The following TRMT44 variants were observed in gnomAD, a reference collection of about 807,000 sequenced individuals.
The protein encoded by TRMT44 is tRNA methyltransferase 44 homolog.
Under a neutral mutation model 77.3 loss-of-function variants are expected in TRMT44, and 78 were observed. That is an observed-to-expected ratio of 1.01 (90% CI 0.84 to 1.22). The LOEUF is 1.22. TRMT44 is among the 50% of genes most tolerant of loss of function. The pLI, the probability that TRMT44 is intolerant of heterozygous loss-of-function variation, is 0.00. For missense variants in TRMT44, 1,090 were observed against 964.4 expected (o/e 1.13, Z -1.73); for synonymous variants, 391 against 383.3 (o/e 1.02, Z -0.23).
chr4:8,470,832 GC>G (rs1726940091), intron 9 of TRMT44: 1 of 363,940 alleles, frequency 2.7e-6, no homozygotes, highest in Admixed American at 3.6e-5. Context: ...CTGACGCCTG[GC>G]CCTGTGCGGG....
chr4:8,516,842 T>C, the TRMT44 span, among the ~76,000 whole-genome samples: 1 of 152,310 alleles, frequency 6.6e-6, no homozygotes, highest in South Asian at 2.1e-4. Flanking sequence ...CAGAGAGGGT[T>C]GTTAGAGTTT....
At chr4:8,466,971 C>T (rs1425619339) in intron 8 of TRMT44, among the ~76,000 whole-genome samples, 1 of 152,228 alleles carries the variant, frequency 6.6e-6, no homozygotes, top group Non-Finnish European at 1.5e-5. Flanking sequence ...GCTTCCTTAT[C>T]ACCCGCGCCT....
the TRMT44 span, among the ~76,000 whole-genome samples, chr4:8,515,948 A>C: frequency 6.6e-6 from 1 of 152,224 alleles, no homozygotes; most frequent in Admixed American, 6.5e-5. Context: ...CAGGCTTTCC[A>C]CGCCTCTCTG....
Position 8,475,929 on chromosome 4 carries a change from C to G in TRMT44, c.2202C>G (p.Asp734Glu). Reference sequence around the variant, plus strand: ...CTGATGGCTGCGCTCTGTCCACGGACTGCTGCCCGTTTGCCCATGGGCCTG... The same window carrying G: ...CTGATGGCTGCGCTCTGTCCACGGAGTGCTGCCCGTTTGCCCATGGGCCTG... ...HHPDGCALST[D>E]CCPFAHGPAE... Residue 734 changes from aspartate (D) to glutamate (E), a missense_variant, in exon 11 of 11, where the codon GAC becomes GAG. Physicochemically the swap from Asp to Glu is conservative, Grantham distance 45. Transcript: ENST00000389737. The G allele has an allele frequency of 6.2e-7, 1 of 1,614,208 alleles. No individual in the cohort carries two copies. Among genetic ancestry groups the G allele is most frequent in the Non-Finnish European group, 8.5e-7 (1 of 1,180,048 alleles).
the TRMT44 span, among the ~76,000 whole-genome samples, chr4:8,503,043 C>T: frequency 1.3e-5 from 2 of 152,238 alleles, no homozygotes; most frequent in East Asian, 3.9e-4. Context: ...TCACCTCCCA[C>T]ATGAGAGGCA....
chr4:8,473,805 T>C (rs1483438145), intron 10 of TRMT44, among the ~76,000 whole-genome samples: 2 of 152,188 alleles, frequency 1.3e-5, no homozygotes, highest in Non-Finnish European at 2.9e-5. Flanking sequence ...CCGCCCCTTC[T>C]GGCACCTGGC....
At chr4:8,468,844 T>C (rs1479146123) in intron 9 of TRMT44, among the ~76,000 whole-genome samples, 4 of 152,092 alleles carry the variant, frequency 2.6e-5, no homozygotes, top group Admixed American at 2.6e-4. Flanking sequence ...TGTTCTCAGG[T>C]GAGTGGTGTG....
chr4:8,507,278 G>A, the TRMT44 span: 2 of 152,358 alleles, frequency 1.3e-5, no homozygotes, highest in Admixed American at 6.5e-5. Context: ...GGCGAGGCCA[G>A]GGCGTGTCCA....
At position 8,465,445 on chromosome 4, in the gene TRMT44, C is replaced by A; in HGVS notation, c.1378C>A (p.Arg460=). ...CTTTGACTTCATTGGAAGATACTCCCGGAGGCAGAGTAAGAAGACTCAGTA... is the reference window on the plus strand; with the variant it reads ...CTTTGACTTCATTGGAAGATACTCCAGGAGGCAGAGTAAGAAGACTCAGTA... The part of the protein sequence containing the change: ...CFFDFIGRYS[R]RQSKKTQYRE... Residue 460 remains arginine (R), a synonymous_variant, in exon 8 of 11, where the codon CGG becomes AGG. Transcript: ENST00000389737. 6.2e-7 allele frequency: 1 copy of A among 1,614,130 alleles called. No homozygotes were observed. The highest frequency in any genetic ancestry group is 8.5e-7 in the Non-Finnish European group (1 of 1,180,030).
chr4:8,466,458 C>T (rs1299742063), intron 8 of TRMT44, among the ~76,000 whole-genome samples: 4 of 152,246 alleles, frequency 2.6e-5, no homozygotes, highest in Non-Finnish European at 5.9e-5. Flanking sequence ...CACTCGCTGG[C>T]CGGCTGCCGT....
the TRMT44 span, among the ~76,000 whole-genome samples, chr4:8,503,235 C>T: frequency 6.6e-6 from 1 of 152,240 alleles, no homozygotes; most frequent in Non-Finnish European, 1.5e-5. Flanking sequence ...CCGCTCTGCA[C>T]ACACACCCTT....
chr4:8,487,702 G>A (rs1000434356), intron 2 of TRMT44, among the ~76,000 whole-genome samples: 3 of 152,054 alleles, frequency 2.0e-5, no homozygotes, highest in Non-Finnish European at 4.4e-5. Flanking sequence ...GAAGGAGAAG[G>A]GGTTGAGGGG....
intron 6 of TRMT44, among the ~76,000 whole-genome samples, chr4:8,458,618 C>G (rs1725962169): frequency 6.6e-6 from 1 of 151,730 alleles, no homozygotes; most frequent in South Asian, 2.1e-4. Flanking sequence ...TCATGCCCAG[C>G]TATTTTTTGT....
chr4:8,493,924 G>A (rs957094153), downstream of TRMT44, among the ~76,000 whole-genome samples: 3 of 150,138 alleles, frequency 2.0e-5, no homozygotes, highest in Admixed American at 6.7e-5. Context: ...TGGCAATAAT[G>A]ACTCTTACTG....
rs918833544 is a variant in TRMT44 at position 8,444,429 on chromosome 4, G to A, written c.620-2047G>A. On this transcript the variant is annotated intron_variant, in intron 1 of 10. Transcript: ENST00000389737. The surrounding 1 kb of genome is among the most constrained non-coding windows in gnomAD (Gnocchi z 4.0). ...TTTTTTTTTTTTTGAGAGTAGTCTC[G>A]CTCTGTGGCCCAGGCTAGAGTGCAG... Among the ~76,000 whole-genome samples the A allele has an allele frequency of 1.4e-5, 2 of 148,022 alleles. No individual in the cohort carries two copies. Among genetic ancestry groups the A allele is most frequent in the East Asian group, 2.0e-4 (1 of 5,088 alleles).
At chr4:8,481,945 T>C (rs542603888) in intron 2 of TRMT44, among the ~76,000 whole-genome samples, 6 of 152,244 alleles carry the variant, frequency 3.9e-5, no homozygotes, top group African/African-American at 1.4e-4. Flanking sequence ...GTTTCCTTTT[T>C]TCATCATAGA....
At chr4:8,501,834 C>A in the TRMT44 span, among the ~76,000 whole-genome samples, 2 of 152,170 alleles carry the variant, frequency 1.3e-5, no homozygotes, top group African/African-American at 4.8e-5. The surrounding 1 kb of genome is among the most constrained non-coding windows in gnomAD (Gnocchi z 4.4). Context: ...TGGGCCCCAG[C>A]CTCTCCATCC....
intron 5 of TRMT44, among the ~76,000 whole-genome samples, chr4:8,454,249 A>G (rs971805373): frequency 2.0e-5 from 3 of 152,136 alleles, no homozygotes; most frequent in Non-Finnish European, 4.4e-5. Flanking sequence ...ACTCAACTCC[A>G]TGTCCCATCT....
chr4:8,472,400 G>A (rs73091445), intron 10 of TRMT44, among the ~76,000 whole-genome samples: 3,745 of 152,320 alleles, frequency 0.025, 146 homozygotes, highest in African/African-American at 0.085. Flanking sequence ...GGATGACACC[G>A]AAGTCACAGT....
Sources: allele counts gnomAD v4.1 joint callset (sites outside exome capture counted in the v4.1 genomes callset), GRCh38; gene constraint gnomAD v4.1.1; non-coding constraint Gnocchi (gnomAD v3.1); transcripts MANE v1.5; gene names NCBI Gene and HGNC (gene_info 2026-07-23, HGNC 2026-07-21).